Variants in PLA2G4C observed in about 807,000 individuals in gnomAD.
PLA2G4C encodes the protein cytosolic phospholipase A2 gamma.
PLA2G4C carries 64 observed loss-of-function variants against 73.8 expected under a neutral mutation model. That is an observed-to-expected ratio of 0.87 (90% CI 0.71 to 1.07). PLA2G4C has a LOEUF of 1.07. Among genes scored for constraint, PLA2G4C ranks in the 50% least tolerant of loss-of-function variants. PLA2G4C has a pLI of 0.00. For missense variants in PLA2G4C, 622 were observed against 665.4 expected (o/e 0.93, Z 0.72); for synonymous variants, 254 against 252.1 (o/e 1.01, Z -0.07).
chr19:48,053,051 T>C lies in PLA2G4C; in HGVS notation c.1526A>G (p.Lys509Arg), dbSNP rs759111805. Residue 509 changes from lysine to arginine, a missense_variant, in exon 16 of 17, where the codon AAG becomes AGG. Transcript: ENST00000599921. ...CTTCTTCTTGTTTTCCCTGACATTC[T>C]TCTTGGCTAATGCCAAGAGTAGCAC... ...VVVLLLALAK[K>R]NVRENKKKIL... is the part of the protein sequence containing the mutation. 2 of 1,613,550 alleles carry C rather than the reference T, an allele frequency of 1.2e-6. No homozygotes were observed. The highest frequency in any genetic ancestry group is 1.7e-6 in the Non-Finnish European group (2 of 1,179,518).
intron 15 of PLA2G4C, among the ~76,000 whole-genome samples, chr19:48,054,605 G>A (rs183968303): frequency 2.3e-3 from 343 of 151,964 alleles, no homozygotes; most frequent in South Asian, 5.4e-3. Flanking sequence ...ATGAGCCACC[G>A]CGCCCGGCTG....
intron 7 of PLA2G4C, among the ~76,000 whole-genome samples, chr19:48,092,938 TAATA>T (rs1242641804): frequency 1.3e-5 from 2 of 152,146 alleles, no homozygotes; most frequent in South Asian, 2.1e-4. Context: ...TATTTTATAA[TAATA>T]AATAAAAAGC....
intron 10 of PLA2G4C, among the ~76,000 whole-genome samples, chr19:48,078,322 A>G (rs1200285370): frequency 2.0e-5 from 3 of 152,104 alleles, no homozygotes; most frequent in Non-Finnish European, 4.4e-5. Flanking sequence ...AAGAATGCCC[A>G]CTCTTATCAC....
intron 12 of PLA2G4C, among the ~76,000 whole-genome samples, chr19:48,071,540 G>A (rs559518267): frequency 3.3e-5 from 5 of 151,942 alleles, no homozygotes; most frequent in Middle Eastern, 3.4e-3. Context: ...CAAGCGATCC[G>A]CCCACCTTGG....
intron 12 of PLA2G4C, among the ~76,000 whole-genome samples, chr19:48,071,273 G>A (rs1445337889): frequency 6.7e-6 from 1 of 148,756 alleles, no homozygotes; most frequent in South Asian, 2.2e-4. Flanking sequence ...AAAACTAAAT[G>A]TGGCCTGAGG....
chr19:48,106,810 GCTCTTT>G (rs2032259330), intron 1 of PLA2G4C: 4 of 541,438 alleles, frequency 7.4e-6, no homozygotes, highest in Non-Finnish European at 1.3e-5. Context: ...GTTTTTCCTC[GCTCTTT>G]CTCTTTCTCT....
At chr19:48,091,717 T>C (rs1010231409) in intron 7 of PLA2G4C, among the ~76,000 whole-genome samples, 8 of 151,562 alleles carry the variant, frequency 5.3e-5, no homozygotes, top group African/African-American at 1.9e-4. Context: ...GGTGAAACCC[T>C]ATCTCTACTA....
At chr19:48,071,921 G>T (rs1968674832) in intron 12 of PLA2G4C, among the ~76,000 whole-genome samples, 1 of 151,988 alleles carries the variant, frequency 6.6e-6, no homozygotes, top group South Asian at 2.1e-4. Flanking sequence ...CCTGAGGTGG[G>T]CGGATCACAA....
intron 6 of PLA2G4C, among the ~76,000 whole-genome samples, chr19:48,097,346 G>A (rs1266781947): frequency 2.2e-5 from 3 of 137,276 alleles, no homozygotes; most frequent in South Asian, 2.5e-4. Flanking sequence ...TCCGCCTCCC[G>A]GGTTCACGCC....
intron 4 of PLA2G4C, among the ~76,000 whole-genome samples, chr19:48,101,017 C>A (rs528934454): frequency 8.1e-5 from 12 of 147,776 alleles, no homozygotes; most frequent in African/African-American, 3.0e-4. Context: ...TTATTTAGCT[C>A]ACAGTTCTGC....
At chr19:48,053,526 C>T (rs917982381) in intron 15 of PLA2G4C, among the ~76,000 whole-genome samples, 2 of 151,934 alleles carry the variant, frequency 1.3e-5, no homozygotes, top group Non-Finnish European at 2.9e-5. Flanking sequence ...TGCATCACCA[C>T]GCTTGGCTAA....
At chr19:48,080,803 CAAAAA>C (rs200460762) in intron 10 of PLA2G4C, among the ~76,000 whole-genome samples, 1 of 115,746 alleles carries the variant, frequency 8.6e-6, no homozygotes. Context: ...GACTCTGCCT[CAAAAA>C]AAAAAAAAAA....
chr19:48,091,376 C>T (rs1307811278), intron 7 of PLA2G4C, among the ~76,000 whole-genome samples: 3 of 152,028 alleles, frequency 2.0e-5, no homozygotes, highest in Non-Finnish European at 2.9e-5. Flanking sequence ...TAAGTAGAGA[C>T]GGGGTTTCAC....
intron 7 of PLA2G4C, among the ~76,000 whole-genome samples, chr19:48,091,055 G>A (rs62129325): frequency 0.17 from 26,495 of 151,674 alleles, 2,707 homozygotes; most frequent in Non-Finnish European, 0.24. Context: ...CCGCCATCCC[G>A]TGGTGTGGAG....
chr19:48,055,299 C>T (rs1247726747), intron 14 of PLA2G4C, among the ~76,000 whole-genome samples: 1 of 150,932 alleles, frequency 6.6e-6, no homozygotes, highest in South Asian at 2.1e-4. Context: ...CTGGGGGCTG[C>T]GGGACTCAGA....
Position 48,066,958 on chromosome 19 carries a change from G to GACACAC in PLA2G4C, c.1102+827_1102+832dup, listed in dbSNP as rs200703260. Among the ~76,000 whole-genome samples the GACACAC allele has an allele frequency of 4.8e-3, 684 of 143,936 alleles. 10 individuals carry two copies. Among genetic ancestry groups the GACACAC allele is most frequent in the African/African-American group, 0.017 (651 of 38,832 alleles). The allele number at this position is 143,936 out of a possible 152,430, so 94.4% of individuals were successfully genotyped here. On this transcript the variant is annotated intron_variant, in intron 13 of 16. Transcript: ENST00000599921. The stretch of plus-strand genomic sequence containing the variant: ...CATTCCCACCTGGGCAACAGAGCAA[G>GACACAC]ACACACACACACACACACACACACA...
At chr19:48,080,993 CAAAAAAAAA>C (rs34388817) in intron 10 of PLA2G4C, among the ~76,000 whole-genome samples, 6 of 102,892 alleles carry the variant, frequency 5.8e-5, no homozygotes, top group East Asian at 2.8e-4. Flanking sequence ...ACTAAAAATA[CAAAAAAAAA>C]AAAAAAAAAA....
intron 13 of PLA2G4C, among the ~76,000 whole-genome samples, chr19:48,062,714 G>C (rs1392351956): frequency 3.3e-5 from 5 of 152,158 alleles, no homozygotes; most frequent in Non-Finnish European, 5.9e-5. Context: ...AGGTAATTAA[G>C]GTAAAATGGG....
chr19:48,077,532 C>G (rs1048469122), intron 11 of PLA2G4C, among the ~76,000 whole-genome samples: 3 of 152,128 alleles, frequency 2.0e-5, no homozygotes, highest in African/African-American at 7.2e-5. Context: ...AAGCAATCTA[C>G]AAGTCCAGTG....
Sources: gnomAD v4.1 joint callset for allele counts (sites outside exome capture counted in the v4.1 genomes callset) on GRCh38, gnomAD v4.1.1 for gene constraint, MANE v1.5 for transcripts, NCBI Gene and HGNC (gene_info 2026-07-23, HGNC 2026-07-21) for gene names.